Variants in EPHX2 observed in about 807,000 individuals in gnomAD.
The protein encoded by EPHX2 is epoxide hydrolase 2.
EPHX2 carries 74 observed loss-of-function variants against 78.7 expected under a neutral mutation model. The observed-to-expected ratio is 0.94, with a 90% CI of 0.78 to 1.14. The LOEUF is 1.14. EPHX2 is among the 50% of genes most tolerant of loss of function. The pLI, the probability that EPHX2 is intolerant of heterozygous loss-of-function variation, is 0.00. For synonymous variants in EPHX2, 251 were observed against 255.2 expected, an observed-to-expected ratio of 0.98 and a Z score of 0.16; for missense variants, 715 against 702.5, an observed-to-expected ratio of 1.02 and a Z score of -0.20.
intron 5 of EPHX2, among the ~76,000 whole-genome samples, chr8:27,508,763 T>C (rs932105490): frequency 6.6e-6 from 1 of 152,056 alleles, no homozygotes; most frequent in Non-Finnish European, 1.5e-5. Context: ...TGTGTGTGTG[T>C]GTGCGCGCAC....
At chr8:27,516,201 G>C (rs1814445596) in intron 7 of EPHX2, 119 bp from the exon 8 acceptor site, 1 of 1,010,968 alleles carries the variant, frequency 9.9e-7, no homozygotes. Flanking sequence ...TTACCGGGTA[G>C]TGCCCTGTGG....
rs534470535 is a variant in EPHX2, at chr8:27,529,653, G to A, written c.1170+4180G>A. 1.3e-4 allele frequency among the ~76,000 whole-genome samples: 20 copies of A among 152,236 alleles called. No homozygotes were observed. In the South Asian group the frequency reaches 3.1e-3, roughly 24 times the overall value. ...AAAAAAATGCTCTTTTGGGCTGGGC[G>A]TGGTGACTCACATCTATAATCTCAG... is the stretch of plus-strand genomic sequence containing the variant. On this transcript the variant is annotated intron_variant, in intron 12 of 18. Transcript: ENST00000521400.
At chr8:27,501,340 T>TTCTTCTTCC (rs1813770469) in intron 2 of EPHX2, among the ~76,000 whole-genome samples, 1 of 109,110 alleles carries the variant, frequency 9.2e-6, no homozygotes, top group Non-Finnish European at 1.9e-5. Context: ...CTTCTTCTTC[T>TTCTTCTTCC]TCTTCTTCTT....
chr8:27,515,680 G>C (rs759295612), intron 6 of EPHX2, 38 bp from the exon 7 acceptor site: 2 of 1,585,396 alleles, frequency 1.3e-6, no homozygotes, highest in South Asian at 1.1e-5. Context: ...ACTGGGCCTG[G>C]TGCTTGGTCG....
chr8:27,524,139 G>A (rs1814744740), intron 11 of EPHX2, among the ~76,000 whole-genome samples: 1 of 152,042 alleles, frequency 6.6e-6, no homozygotes, highest in African/African-American at 2.4e-5. Context: ...TACCACATTG[G>A]CCAGGCTGGT....
At chr8:27,547,778 C>A (rs1311676408), downstream of EPHX2, among the ~76,000 whole-genome samples, 2 of 152,058 alleles carry the variant, frequency 1.3e-5, no homozygotes, top group African/African-American at 4.8e-5. Flanking sequence ...TTTTTTTTAG[C>A]TTCTGCATGT....
Position 27,491,199 on chromosome 8 carries a change from A to G in EPHX2, c.-10A>G, listed in dbSNP as rs905914545. On this transcript the variant is annotated 5_prime_UTR_variant, in exon 1 of 19. Transcript: ENST00000521400. ...TGCGTGTCCGGGTGCTAGGCTGCAG[A>G]CCCGCCGCCATGACGCTGCGCGCGG... The G allele has an allele frequency of 1.9e-6, 3 of 1,568,380 alleles. No individual in the cohort carries two copies. The highest frequency in any genetic ancestry group is 2.6e-6 in the Non-Finnish European group (3 of 1,166,144).
intron 13 of EPHX2, among the ~76,000 whole-genome samples, chr8:27,537,597 GA>G (rs1221842981): frequency 3.3e-5 from 5 of 152,108 alleles, no homozygotes; most frequent in Non-Finnish European, 7.4e-5. Flanking sequence ...ACCTGTCTTT[GA>G]AGTTTTAATT....
chr8:27,508,556 C>A (rs1422444732), intron 5 of EPHX2, among the ~76,000 whole-genome samples: 1 of 152,152 alleles, frequency 6.6e-6, no homozygotes, highest in Non-Finnish European at 1.5e-5. Flanking sequence ...GTGCTTGTGC[C>A]CCTGGCTAGG....
chr8:27,518,424 CATT>C (rs1183516309), intron 9 of EPHX2, among the ~76,000 whole-genome samples: 4 of 152,230 alleles, frequency 2.6e-5, no homozygotes, highest in Admixed American at 1.3e-4. Context: ...CTGGTAAAGA[CATT>C]GTTGGCCAGA....
intron 11 of EPHX2, among the ~76,000 whole-genome samples, chr8:27,523,210 C>T (rs1814712269): frequency 6.6e-6 from 1 of 152,192 alleles, no homozygotes; most frequent in Admixed American, 6.5e-5. Flanking sequence ...CACTTCGCTT[C>T]TTAGGCTTTG....
chr8:27,526,838 C>A (rs1275976267), intron 12 of EPHX2, among the ~76,000 whole-genome samples: 1 of 152,216 alleles, frequency 6.6e-6, no homozygotes, highest in Non-Finnish European at 1.5e-5. Flanking sequence ...CAGCCCCGAC[C>A]TCTCCAGGCC....
chr8:27,544,074 G>T, intron 17 of EPHX2, 112 bp from the exon 18 acceptor site: 3 of 1,285,320 alleles, frequency 2.3e-6, no homozygotes, highest in South Asian at 2.5e-5. Context: ...CAGGGTTTGG[G>T]CAGGGTGGCC....
chr8:27,536,892 G>T, intron 13 of EPHX2, 37 bp downstream of exon 13: 1 of 1,610,782 alleles, frequency 6.2e-7, no homozygotes. Context: ...AACAGGAGGG[G>T]GCAGTTGTGA....
At chr8:27,521,966 C>T (rs1449664328) in intron 10 of EPHX2, among the ~76,000 whole-genome samples, 1 of 152,096 alleles carries the variant, frequency 6.6e-6, no homozygotes, top group African/African-American at 2.4e-5. Flanking sequence ...TTTTCAATAC[C>T]AGCAGCGGAA....
intron 11 of EPHX2, among the ~76,000 whole-genome samples, chr8:27,522,813 T>C (rs923199165): frequency 6.6e-6 from 1 of 151,846 alleles, no homozygotes; most frequent in African/African-American, 2.4e-5. Flanking sequence ...ATACAAAAAC[T>C]AGCCGGGCAT....
intron 18 of EPHX2, 33 bp downstream of exon 18, chr8:27,544,277 G>A (rs1238392286): frequency 6.2e-7 from 1 of 1,612,192 alleles, no homozygotes. Context: ...GGGTCGGGGA[G>A]AGCAGGGCCC....
intron 13 of EPHX2, among the ~76,000 whole-genome samples, chr8:27,538,078 A>G (rs1815269228): frequency 6.6e-6 from 1 of 152,206 alleles, no homozygotes; most frequent in Non-Finnish European, 1.5e-5. Context: ...TTTCCAGATC[A>G]TGCAGAGAAT....
intron 1 of EPHX2, among the ~76,000 whole-genome samples, chr8:27,494,276 T>TGGTATTC (rs1457984352): frequency 7.9e-5 from 12 of 152,146 alleles, no homozygotes; most frequent in Non-Finnish European, 1.5e-4. Flanking sequence ...AAAGTTAAGA[T>TGGTATTC]GGTATTCGGT....
Sources: allele counts gnomAD v4.1 joint callset (sites outside exome capture counted in the v4.1 genomes callset), GRCh38; gene constraint gnomAD v4.1.1; transcripts MANE v1.5; gene names NCBI Gene and HGNC (gene_info 2026-07-23, HGNC 2026-07-21).